Variants in ANKRD44 observed in about 807,000 individuals in gnomAD.
The protein encoded by ANKRD44 is serine/threonine-protein phosphatase 6 regulatory ankyrin repeat subunit B.
A neutral mutation model predicts 116.0 loss-of-function variants in ANKRD44; 35 were observed. That is an observed-to-expected ratio of 0.30 (90% CI 0.23 to 0.40). The LOEUF (loss-of-function observed/expected upper bound fraction) is 0.40, where lower values mean the gene tolerates loss of function less well. ANKRD44 is among the 10% of genes least tolerant of loss of function. ANKRD44 has a pLI of 1.00. For synonymous variants in ANKRD44, 435 were observed against 461.8 expected (o/e 0.94, Z 0.74); for missense variants, 1,014 against 1,242.6 (o/e 0.82, Z 2.77).
chr2:197,042,430 T>C (rs1448364552), intron 16 of ANKRD44, among the ~76,000 whole-genome samples: 1 of 151,960 alleles, frequency 6.6e-6, no homozygotes, highest in Middle Eastern at 3.4e-3. Context: ...GGAAGAATAC[T>C]GTCCATAAGA....
At chr2:197,289,313 T>C (rs1002786356) in intron 1 of ANKRD44, among the ~76,000 whole-genome samples, 2 of 152,208 alleles carry the variant, frequency 1.3e-5, no homozygotes, top group Non-Finnish European at 2.9e-5. Context: ...CCATATGTAT[T>C]GTTGGGGGAG....
At chr2:196,994,511 TTTTC>T (rs1475490392) in intron 26 of ANKRD44, 1 of 145,932 alleles carries the variant, frequency 6.9e-6, no homozygotes, top group African/African-American at 2.5e-5. Flanking sequence ...CTTCTTCTTC[TTTTC>T]TTTTTTTTTT....
chr2:197,148,670 A>T (rs1440598235), intron 2 of ANKRD44, among the ~76,000 whole-genome samples: 1 of 152,236 alleles, frequency 6.6e-6, no homozygotes, highest in Admixed American at 6.5e-5. Flanking sequence ...GGACACAACA[A>T]GAATTGATCT....
rs775426875 is a variant in ANKRD44, at chr2:197,001,824, T to C, written c.2364A>G (p.Ile788Met). 6.2e-7 allele frequency: 1 copy of C among 1,612,622 alleles called. No homozygotes were observed. The highest frequency in any genetic ancestry group is 1.1e-5 in the South Asian group (1 of 90,968). ...AACATTTTTGCTCCAAAAGTACCTC[T>C]ATACAGTTTTCATTACCTGCAAGAA... ...WACYNGNENC[I>M]EVLLEQKCFR... Residue 788 changes from isoleucine to methionine, a missense_variant, in exon 22 of 28, where the codon ATA becomes ATG. Physicochemically the swap from Ile to Met is conservative, Grantham distance 10 (BLOSUM62 1). Transcript: ENST00000282272.
intron 1 of ANKRD44, among the ~76,000 whole-genome samples, chr2:197,249,228 G>A (rs2082264851): frequency 1.3e-5 from 2 of 152,182 alleles, no homozygotes; most frequent in Admixed American, 6.5e-5. Context: ...AGCTATGATT[G>A]TGCCACTGCA....
chr2:197,275,525 C>A (rs10205474), intron 1 of ANKRD44, among the ~76,000 whole-genome samples: 25,434 of 151,366 alleles, frequency 0.17, 2,328 homozygotes, highest in Middle Eastern at 0.29. Flanking sequence ...ACTGGTAGTT[C>A]ATTCATTTAC....
At chr2:197,153,878 G>A (rs2079729711) in intron 2 of ANKRD44, among the ~76,000 whole-genome samples, 1 of 152,074 alleles carries the variant, frequency 6.6e-6, no homozygotes, top group African/African-American at 2.4e-5. Context: ...GAGAGAGAGA[G>A]AAAGTGGGAA....
At chr2:196,991,060 G>A in intron 27 of ANKRD44, 2 of 831,732 alleles carry the variant, frequency 2.4e-6, no homozygotes, top group Non-Finnish European at 3.2e-6. Context: ...CAGGTAAAAC[G>A]AGGAGTTACT....
chr2:197,236,567 C>T (rs1271683249), intron 1 of ANKRD44, among the ~76,000 whole-genome samples: 1 of 152,114 alleles, frequency 6.6e-6, no homozygotes, highest in Admixed American at 6.5e-5. Context: ...CTACTAGTTG[C>T]CTACTAGTTT....
At chr2:197,105,192 C>T (rs533150061) in intron 9 of ANKRD44, among the ~76,000 whole-genome samples, 4 of 152,220 alleles carry the variant, frequency 2.6e-5, no homozygotes, top group African/African-American at 7.2e-5. Flanking sequence ...CGGCTCACTG[C>T]AACCTCTGCC....
intron 27 of ANKRD44, chr2:196,992,878 A>T (rs13430327): frequency 0.13 from 19,121 of 152,684 alleles, 2,070 homozygotes; most frequent in African/African-American, 0.3. Flanking sequence ...CATTTTAAAA[A>T]TTACATAATT....
Position 197,262,507 on chromosome 2 carries a change from T to C in ANKRD44, c.27+48071A>G, listed in dbSNP as rs933752321. 4.6e-5 allele frequency among the ~76,000 whole-genome samples: 7 copies of C among 152,354 alleles called. No individual in the cohort carries two copies. In the South Asian group the frequency reaches 1.0e-3, roughly 23 times the overall value. ...AAGCCTTTTCTCATTTTAAGGCATA[T>C]GGATTTGTGCTAACGGAAATTCCAC... On this transcript the variant is annotated intron_variant, in intron 1 of 27. Coordinates refer to ENST00000282272, the MANE Select transcript of ANKRD44 (RefSeq NM_001195144.2).
Position 196,988,064 on chromosome 2 carries a change from A to T in ANKRD44, c.*1527T>A. 1.0e-6 allele frequency: 1 copy of T among 985,378 alleles called. No individual in the cohort carries two copies. The highest frequency in any genetic ancestry group is 6.1e-5 in the Admixed American group (1 of 16,268). The allele number at this position is 985,378 out of a possible 1,614,324, so 61.0% of individuals were successfully genotyped here. A position where few individuals can be genotyped will look rare whatever the true frequency, so the allele number is the denominator to read the frequency against. On this transcript the variant is annotated 3_prime_UTR_variant, in exon 28 of 28. Transcript: ENST00000282272. ...TTCGTTCCTTTGTCCTCCTTCTATG[A>T]GTAAGAGAGTGGGAAAAGTCAAAAC...
At chr2:197,162,417 T>C (rs950398435) in intron 2 of ANKRD44, among the ~76,000 whole-genome samples, 3 of 152,226 alleles carry the variant, frequency 2.0e-5, no homozygotes, top group Non-Finnish European at 4.4e-5. Context: ...GAGCTCCTTC[T>C]ACCTTCTTCC....
At position 197,013,614 on chromosome 2, in the gene ANKRD44, A is replaced by G. The variant is rs758591405; in HGVS notation, c.1821T>C (p.Ala607=). 2.5e-6 allele frequency: 4 copies of G among 1,614,194 alleles called. No homozygotes were observed. Among genetic ancestry groups the G allele is most frequent in the East Asian group, 2.2e-5 (1 of 44,886 alleles). The change falls in exon 18 of 28, where the codon GCT becomes GCC. Residue 607 remains alanine, a synonymous_variant. Coordinates refer to ENST00000282272, the MANE Select transcript of ANKRD44 (RefSeq NM_001195144.2). ...CACATTCTGTGTGTCCTTTAAAGGC[A>G]GCCAGATCCAGAGCAGTGCGGCCTT... ...DEKGRTALDL[A]AFKGHTECVE...
chr2:197,117,079 C>T (rs2078727910), intron 8 of ANKRD44, among the ~76,000 whole-genome samples: 1 of 152,096 alleles, frequency 6.6e-6, no homozygotes, highest in Non-Finnish European at 1.5e-5. Flanking sequence ...TAAACTGAGA[C>T]ACACAAAGAG....
chr2:197,182,005 C>T (rs1056397502), intron 2 of ANKRD44, among the ~76,000 whole-genome samples: 1 of 152,216 alleles, frequency 6.6e-6, no homozygotes, highest in Non-Finnish European at 1.5e-5. Flanking sequence ...GTCACTTTGT[C>T]TCTGTCCCTG....
At chr2:197,214,887 G>T (rs960073143) in intron 1 of ANKRD44, among the ~76,000 whole-genome samples, 2 of 151,616 alleles carry the variant, frequency 1.3e-5, no homozygotes, top group Non-Finnish European at 2.9e-5. Context: ...TTTTTGTTTT[G>T]TTTTTTTTGA....
chr2:197,092,076 A>T (rs767245395), intron 10 of ANKRD44, among the ~76,000 whole-genome samples: 11 of 152,202 alleles, frequency 7.2e-5, no homozygotes, highest in Non-Finnish European at 1.6e-4. Context: ...CTTCTTCAGC[A>T]AGGACCCAAA....
Sources: gnomAD v4.1 joint callset for allele counts (sites outside exome capture counted in the v4.1 genomes callset) on GRCh38, gnomAD v4.1.1 for gene constraint, MANE v1.5 for transcripts, NCBI Gene and HGNC (gene_info 2026-07-23, HGNC 2026-07-21) for gene names.